The following LAMA1 variants were observed in gnomAD, a reference collection of about 807,000 sequenced individuals.
The protein encoded by LAMA1 is laminin subunit alpha 1.
A neutral mutation model predicts 348.7 loss-of-function variants in LAMA1; 219 were observed. That is an observed-to-expected ratio of 0.63 (90% CI 0.56 to 0.70). The LOEUF (loss-of-function observed/expected upper bound fraction) is 0.70. Among genes scored for constraint, LAMA1 ranks in the 30% least tolerant of loss-of-function variants. The pLI, the probability that LAMA1 is intolerant of heterozygous loss-of-function variation, is 0.00. For missense variants in LAMA1, 3,744 were observed against 3,888.0 expected (o/e 0.96, Z 0.99); for synonymous variants, 1,487 against 1,491.0 (o/e 1.00, Z 0.06).
chr18:6,947,898 C>A (rs1185820952), intron 60 of LAMA1, among the ~76,000 whole-genome samples: 1 of 152,036 alleles, frequency 6.6e-6, no homozygotes, highest in Non-Finnish European at 1.5e-5. Context: ...CTGGGGGGTG[C>A]AAGGGGAGCT....
chr18:7,099,286 C>G (rs1019162953), intron 1 of LAMA1, among the ~76,000 whole-genome samples: 2 of 150,510 alleles, frequency 1.3e-5, no homozygotes, highest in African/African-American at 4.9e-5. Flanking sequence ...CGTTAAGAGT[C>G]ATCACCACTC....
intron 1 of LAMA1, among the ~76,000 whole-genome samples, 178 bp from the exon 2 acceptor site, chr18:7,080,635 A>C (rs2058189709): frequency 6.6e-6 from 1 of 152,236 alleles, no homozygotes; most frequent in Non-Finnish European, 1.5e-5. Context: ...TTCTGGGAGA[A>C]GCAAAATTCA....
intron 45 of LAMA1, 115 bp from the exon 46 acceptor site, chr18:6,975,151 C>CTT: frequency 7.9e-7 from 1 of 1,259,024 alleles, no homozygotes; most frequent in Non-Finnish European, 1.1e-6. Context: ...AAAATAAATA[C>CTT]ATAAAAAGCA....
At chr18:6,961,815 C>T in intron 52 of LAMA1, 56 bp from the exon 53 acceptor site, 12 of 1,601,604 alleles carry the variant, frequency 7.5e-6, no homozygotes, top group Non-Finnish European at 1.0e-5. Context: ...GCCAAACCTT[C>T]CGTGGGGAGG....
intron 14 of LAMA1, 48 bp from the exon 15 acceptor site, chr18:7,033,143 C>T (rs199677215): frequency 6.9e-6 from 9 of 1,298,966 alleles, no homozygotes; most frequent in Non-Finnish European, 8.7e-6. Flanking sequence ...GCAAATACAT[C>T]TCACATCTCA....
At chr18:7,100,058 CAAAAAAAAA>C (rs3038921) in intron 1 of LAMA1, among the ~76,000 whole-genome samples, 14 of 79,700 alleles carry the variant, frequency 1.8e-4, no homozygotes, top group East Asian at 5.8e-4. Context: ...GACTTTGTCT[CAAAAAAAAA>C]AAAAAAAAAA....
At chr18:6,969,360 C>A (rs1304375520) in intron 48 of LAMA1, among the ~76,000 whole-genome samples, 1 of 152,134 alleles carries the variant, frequency 6.6e-6, no homozygotes, top group East Asian at 1.9e-4. Flanking sequence ...AGGGTTCAAG[C>A]TCAAGTGAGT....
chr18:6,983,584 A>G (rs1291426774), intron 39 of LAMA1, among the ~76,000 whole-genome samples: 3 of 152,200 alleles, frequency 2.0e-5, no homozygotes. Flanking sequence ...GCGCCACTGC[A>G]TGCTTGCATT....
intron 3 of LAMA1, among the ~76,000 whole-genome samples, chr18:7,077,946 C>G (rs998315552): frequency 1.3e-5 from 2 of 151,118 alleles, no homozygotes; most frequent in African/African-American, 4.9e-5. Context: ...CTCCTGTAAT[C>G]CCAGCTACTC....
chr18:6,949,364 A>T, intron 58 of LAMA1, 105 bp from the exon 59 acceptor site: 5 of 1,111,468 alleles, frequency 4.5e-6, no homozygotes, highest in Non-Finnish European at 6.7e-6. Flanking sequence ...GAGCTATAAC[A>T]ACCTGAATGC....
At chr18:7,033,674 T>A (rs1200519249) in intron 14 of LAMA1, among the ~76,000 whole-genome samples, 1 of 152,026 alleles carries the variant, frequency 6.6e-6, no homozygotes, top group Non-Finnish European at 1.5e-5. Context: ...ATTAATCCAT[T>A]CAATTATCAC....
intron 34 of LAMA1, 92 bp from the exon 35 acceptor site, chr18:6,993,844 G>A (rs918377250): frequency 2.0e-5 from 16 of 782,250 alleles, no homozygotes; most frequent in African/African-American, 1.5e-4. Context: ...CACTGTTGCC[G>A]CTTATAAGCA....
rs2058034998 is a variant in LAMA1 at position 7,044,741 on chromosome 18, G to C, written c.957C>G (p.Ser319=). The C allele has an allele frequency of 6.2e-7, 1 of 1,614,066 alleles. No homozygotes were observed. The highest frequency in any genetic ancestry group is 8.5e-7 in the Non-Finnish European group (1 of 1,179,938). The change falls in exon 7 of 63, where the codon TCC becomes TCG. Residue 319 remains serine (S), a synonymous_variant. Transcript: ENST00000389658. ...ACTGACCTTCACATGTATTGCCGGAGGACACGGTTCCCGGCCTCCAGGGCT... is the reference window on the plus strand; with the variant it reads ...ACTGACCTTCACATGTATTGCCGGACGACACGGTTCCCGGCCTCCAGGGCT... The part of the protein sequence containing the change: ...HQQPWRPGTV[S]SGNTCEACNC...
At chr18:7,108,219 C>G (rs1395960233) in intron 1 of LAMA1, among the ~76,000 whole-genome samples, 7 of 151,744 alleles carry the variant, frequency 4.6e-5, no homozygotes, top group African/African-American at 1.7e-4. Context: ...GCCTGTAGTC[C>G]CAGCTACTCA....
chr18:7,038,891 T>C lies in LAMA1; in HGVS notation c.1482A>G (p.Glu494=). The part of the protein sequence containing the change: ...RCKPGFYNLK[E]KNPRGCSECF... ...ACTCGGAGCAGCCCCGGGGGTTTTT[T>C]TCCTTCAAGTTATAGAATCCTGGCT... is the stretch of plus-strand genomic sequence containing the variant. The change falls in exon 11 of 63, where the codon GAA becomes GAG. Residue 494 remains glutamate (E), a synonymous_variant. Transcript: ENST00000389658. 1.2e-6 allele frequency: 2 copies of C among 1,614,140 alleles called. No homozygotes were observed. Among genetic ancestry groups the C allele is most frequent in the Admixed American group, 3.3e-5 (2 of 60,014 alleles).
intron 3 of LAMA1, among the ~76,000 whole-genome samples, chr18:7,053,861 G>A (rs2058071522): frequency 6.6e-6 from 1 of 151,280 alleles, no homozygotes; most frequent in African/African-American, 2.4e-5. Context: ...TCAGCTCACG[G>A]CAGTCCCAAC....
At chr18:7,015,656 C>T in intron 22 of LAMA1, 66 bp downstream of exon 22, 1 of 1,562,006 alleles carries the variant, frequency 6.4e-7, no homozygotes, top group Non-Finnish European at 8.8e-7. Flanking sequence ...TATAGAAGAA[C>T]AGGCCTGAAA....
intron 62 of LAMA1, among the ~76,000 whole-genome samples, chr18:6,942,605 G>T (rs143352748): frequency 0.019 from 2,888 of 151,836 alleles, 86 homozygotes; most frequent in African/African-American, 0.066. Context: ...GTAGAGAGAG[G>T]GTTTCACCAT....
chr18:7,000,144 G>T, intron 30 of LAMA1, 147 bp from the exon 31 acceptor site: 1 of 640,622 alleles, frequency 1.6e-6, no homozygotes, highest in Non-Finnish European at 2.8e-6. Flanking sequence ...AATCTACCTG[G>T]CAAAAAGAAG....
Sources: gnomAD v4.1 joint callset for allele counts (sites outside exome capture counted in the v4.1 genomes callset) on GRCh38, gnomAD v4.1.1 for gene constraint, MANE v1.5 for transcripts, NCBI Gene and HGNC (gene_info 2026-07-23, HGNC 2026-07-21) for gene names.